SLCO5A1: variants seen among roughly 807,000 people sequenced by gnomAD.
SLCO5A1 encodes the protein organic anion transporter polypeptide-related protein 4.
In SLCO5A1, 39 loss-of-function variants were observed where a neutral mutation model predicts 65.1. The ratio of observed to expected loss-of-function variants is 0.60; its 90% confidence interval spans 0.46 to 0.78. The LOEUF (loss-of-function observed/expected upper bound fraction) is 0.78. Among genes scored for constraint, SLCO5A1 ranks in the 30% least tolerant of loss-of-function variants. The probability of loss-of-function intolerance (pLI) is 0.00; values close to 1 mark genes in which losing one functional copy is unlikely to be tolerated. For missense variants in SLCO5A1, 1,029 were observed against 1,069.4 expected, an observed-to-expected ratio of 0.96 and a Z score of 0.53; for synonymous variants, 438 against 415.7, an observed-to-expected ratio of 1.05 and a Z score of -0.65.
intron 2 of SLCO5A1, among the ~76,000 whole-genome samples, chr8:69,800,425 T>A (rs577528782): frequency 6.6e-6 from 1 of 151,658 alleles, no homozygotes; most frequent in Non-Finnish European, 1.5e-5. Flanking sequence ...CTTATACCAG[T>A]TTGAACAGAT....
At position 69,832,227 on chromosome 8, in the gene SLCO5A1, C is replaced by G. The variant is rs764404415; in HGVS notation, c.447G>C (p.Leu149=). The G allele has an allele frequency of 3.7e-6, 6 of 1,614,050 alleles. No individual in the cohort carries two copies. The highest frequency in any genetic ancestry group is 3.4e-6 in the Non-Finnish European group (4 of 1,180,036). The change falls in exon 2 of 10, where the codon CTG becomes CTC. Residue 149 remains leucine, a synonymous_variant. Coordinates refer to ENST00000260126, the MANE Select transcript of SLCO5A1 (RefSeq NM_030958.3). This position sits in a 1 kb window ranked among gnomAD's most constrained non-coding sequence, Gnocchi z 4.5. ...TTTCAATGGTGGTAATTACGCTGCT[C>G]AGGTACCCAGAGACCATTAACGCCT... is the stretch of plus-strand genomic sequence containing the variant. ...FIQALMVSGY[L]SSVITTIERR... is the part of the protein sequence containing the mutation.
intron 5 of SLCO5A1, among the ~76,000 whole-genome samples, chr8:69,726,968 T>C (rs1816109487): frequency 6.6e-6 from 1 of 152,210 alleles, no homozygotes; most frequent in African/African-American, 2.4e-5. Context: ...GTGCAATACA[T>C]TTATTACTAA....
intron 2 of SLCO5A1, among the ~76,000 whole-genome samples, chr8:69,800,733 G>A (rs570167598): frequency 6.6e-6 from 1 of 152,068 alleles, no homozygotes; most frequent in Non-Finnish European, 1.5e-5. Context: ...ATCCATTCAA[G>A]AGTCATCTGG....
At chr8:69,682,020 T>A (rs1374747571) in intron 7 of SLCO5A1, among the ~76,000 whole-genome samples, 164 bp downstream of exon 7, 2 of 152,180 alleles carry the variant, frequency 1.3e-5, no homozygotes, top group Non-Finnish European at 2.9e-5. Flanking sequence ...ATAATAGCAA[T>A]GCATAATTTT....
chr8:69,824,439 G>T (rs1270529552), intron 2 of SLCO5A1, among the ~76,000 whole-genome samples: 3 of 152,112 alleles, frequency 2.0e-5, no homozygotes, highest in African/African-American at 4.8e-5. Context: ...AAATGATAAA[G>T]GGGATATCAC....
intron 2 of SLCO5A1, among the ~76,000 whole-genome samples, chr8:69,771,320 A>T (rs1818312073): frequency 6.6e-6 from 1 of 152,184 alleles, no homozygotes; most frequent in African/African-American, 2.4e-5. Flanking sequence ...TTATCTTTTA[A>T]AACATTTCTT....
intron 5 of SLCO5A1, among the ~76,000 whole-genome samples, chr8:69,724,009 G>T (rs1173806987): frequency 1.3e-5 from 2 of 152,142 alleles, no homozygotes; most frequent in Non-Finnish European, 2.9e-5. Flanking sequence ...CTGACTTCAG[G>T]TGATTTGCCT....
intron 2 of SLCO5A1, among the ~76,000 whole-genome samples, chr8:69,820,165 G>A (rs991158657): frequency 7.2e-5 from 11 of 152,162 alleles, no homozygotes; most frequent in Admixed American, 5.2e-4. Flanking sequence ...AGGTGACTCC[G>A]TTTGGCCAAT....
At chr8:69,749,989 C>T (rs144993379) in intron 4 of SLCO5A1, among the ~76,000 whole-genome samples, 2 of 152,240 alleles carry the variant, frequency 1.3e-5, no homozygotes, top group South Asian at 2.1e-4. Flanking sequence ...CCAGCACAAG[C>T]GTGGCAAGTG....
intron 6 of SLCO5A1, among the ~76,000 whole-genome samples, chr8:69,698,648 A>G (rs961143723): frequency 6.6e-6 from 1 of 152,142 alleles, no homozygotes; most frequent in Non-Finnish European, 1.5e-5. Context: ...GGCTGTGTGT[A>G]TGTCTTCTTT....
At chr8:69,810,401 C>A (rs116159330) in intron 2 of SLCO5A1, among the ~76,000 whole-genome samples, 1 of 152,090 alleles carries the variant, frequency 6.6e-6, no homozygotes, top group Non-Finnish European at 1.5e-5. Context: ...ATTATCATAG[C>A]CTGAGGCCTA....
At chr8:69,710,019 CTT>C (rs33961429) in intron 5 of SLCO5A1, among the ~76,000 whole-genome samples, 34 of 122,838 alleles carry the variant, frequency 2.8e-4, no homozygotes, top group African/African-American at 6.4e-4. Context: ...TCGGCAACAG[CTT>C]TTTTTTTTTT....
At chr8:69,801,730 A>G (rs1327719855) in intron 2 of SLCO5A1, among the ~76,000 whole-genome samples, 1 of 152,198 alleles carries the variant, frequency 6.6e-6, no homozygotes, top group Non-Finnish European at 1.5e-5. Flanking sequence ...CTTAGCTGAC[A>G]CAAGGCTCCC....
chr8:69,751,007 T>C (rs1817272947), intron 4 of SLCO5A1, among the ~76,000 whole-genome samples: 1 of 152,226 alleles, frequency 6.6e-6, no homozygotes, highest in African/African-American at 2.4e-5. Context: ...CACCTCAGGG[T>C]AACTATTTTA....
intron 6 of SLCO5A1, among the ~76,000 whole-genome samples, chr8:69,702,178 A>C (rs1039371830): frequency 2.6e-5 from 4 of 151,580 alleles, no homozygotes; most frequent in African/African-American, 9.8e-5. Flanking sequence ...TGATAGAAAT[A>C]AAAATTATTC....
At chr8:69,772,328 C>T (rs1447097081) in intron 2 of SLCO5A1, among the ~76,000 whole-genome samples, 2 of 151,858 alleles carry the variant, frequency 1.3e-5, no homozygotes, top group Non-Finnish European at 2.9e-5. Context: ...CAAGACCACC[C>T]TGGGCAACAT....
intron 5 of SLCO5A1, among the ~76,000 whole-genome samples, chr8:69,722,928 A>G (rs552015567): frequency 1.3e-5 from 2 of 152,242 alleles, no homozygotes; most frequent in South Asian, 4.1e-4. Flanking sequence ...ACTATTCTTG[A>G]TGCATAATTT....
intron 2 of SLCO5A1, among the ~76,000 whole-genome samples, chr8:69,782,095 T>C (rs1232197330): frequency 6.6e-6 from 1 of 151,936 alleles, no homozygotes; most frequent in African/African-American, 2.4e-5. Context: ...GGGAGAGCAA[T>C]AGGACAAATA....
rs144210997 is a variant in SLCO5A1, at chr8:69,775,946, C to G, written c.908-14071G>C. Among the ~76,000 whole-genome samples the G allele has an allele frequency of 3.1e-3, 476 of 152,166 alleles. 3 individuals are homozygous for G. The highest frequency in any genetic ancestry group is 0.01 in the Middle Eastern group (3 of 294). On this transcript the variant is annotated intron_variant, in intron 2 of 9. Coordinates refer to ENST00000260126, the MANE Select transcript of SLCO5A1 (RefSeq NM_030958.3). The stretch of plus-strand genomic sequence containing the variant: ...AGGAAGATGGCTTGAGCCCAGCAGA[C>G]TAGGCTGCAGTTTGCCATGATTGTG...
Sources: allele counts gnomAD v4.1 joint callset (sites outside exome capture counted in the v4.1 genomes callset), GRCh38; gene constraint gnomAD v4.1.1; non-coding constraint Gnocchi (gnomAD v3.1); transcripts MANE v1.5; gene names NCBI Gene and HGNC (gene_info 2026-07-23, HGNC 2026-07-21).